PGC: variants seen among roughly 807,000 people sequenced by gnomAD.
The protein encoded by PGC is progastricsin.
A neutral mutation model predicts 45.9 loss-of-function variants in PGC; 31 were observed. The ratio of observed to expected loss-of-function variants is 0.67; its 90% CI spans 0.51 to 0.91. The LOEUF is 0.91. Ranked by LOEUF, PGC falls within the 40% of genes least tolerant of loss-of-function variation. The pLI, the probability that PGC is intolerant of heterozygous loss-of-function variation, is 0.00. For missense variants in PGC, 477 were observed against 493.2 expected (o/e 0.97, Z 0.31); for synonymous variants, 192 against 201.8 (o/e 0.95, Z 0.41).
chr6:41,737,658 G>A (rs963858698), intron 8 of PGC, 72 bp downstream of exon 8: 28 of 865,366 alleles, frequency 3.2e-5, no homozygotes, highest in Admixed American at 7.3e-5. Flanking sequence ...AGGAGACCCA[G>A]CATTTCTGGC....
intron 7 of PGC, among the ~76,000 whole-genome samples, chr6:41,739,197 G>C (rs1213958557): frequency 6.6e-6 from 1 of 152,170 alleles, no homozygotes; most frequent in Non-Finnish European, 1.5e-5. Flanking sequence ...CAGTCATTTT[G>C]CTCTTATCCC....
chr6:41,741,903 G>A lies in PGC; in HGVS notation c.647+387C>T, dbSNP rs530597923. The A allele has an allele frequency of 4.5e-6, 6 of 1,319,970 alleles. No individual in the cohort carries two copies. In the South Asian group the frequency reaches 6.3e-5, roughly 14 times the overall value. 81.8% of individuals were successfully genotyped at this position (1,319,970 alleles called of 1,614,324 possible). ...ATTACTATGCAAAAGAGGGATACAGGTAGAAAACATTCGGTCAGAAGGAAG... is the reference window on the plus strand; with the variant it reads ...ATTACTATGCAAAAGAGGGATACAGATAGAAAACATTCGGTCAGAAGGAAG... On this transcript the variant is annotated intron_variant, in intron 5 of 8. Transcript: ENST00000373025.
In PGC at chr6:41,744,866, CTCTT is replaced by C. The variant is rs1771900040; in HGVS notation, c.60-62_60-59del. On this transcript the variant is annotated intron_variant, in intron 1 of 8. Coordinates refer to ENST00000373025, the MANE Select transcript of PGC (RefSeq NM_002630.4). This position sits in a 1 kb window ranked among gnomAD's most constrained non-coding sequence, Gnocchi z 4.4. ...CCCTCCTTCCTCTCTTCCCACTCCT[CTCTT>C]TCTCTCTCTCCTTCTCTTAACTGCA... is the stretch of plus-strand genomic sequence containing the variant. The C allele has an allele frequency of 8.3e-6, 12 of 1,437,754 alleles. No individual in the cohort carries two copies. The South Asian group carries it at 1.4e-4, about 16-fold the overall frequency. The allele number at this position is 1,437,754 out of a possible 1,614,324, so 89.1% of individuals were successfully genotyped here. A position where few individuals can be genotyped will look rare whatever the true frequency, so the allele number is the denominator to read the frequency against.
Position 41,741,157 on chromosome 6 carries a change from G to A in PGC, c.648-547C>T, listed in dbSNP as rs1230539926. On this transcript the variant is annotated intron_variant, in intron 5 of 8. Transcript: ENST00000373025. ...GAGACAGGTAGGGTCTTGGTGAAGG[G>A]GGTAAGGATATTCCATGTTTGTTCC... is the stretch of plus-strand genomic sequence containing the variant. 5 of 1,536,694 alleles carry A rather than the reference G, an allele frequency of 3.3e-6. No homozygotes were observed. In the Admixed American group the frequency reaches 9.8e-5, roughly 30 times the overall value.
At chr6:41,738,404 G>C (rs980489141) in intron 7 of PGC, among the ~76,000 whole-genome samples, 3 of 151,492 alleles carry the variant, frequency 2.0e-5, no homozygotes, top group African/African-American at 7.3e-5. Context: ...GAGGTAGGCA[G>C]ATTGCTTGAG....
At chr6:41,738,892 G>A (rs1403366470) in intron 7 of PGC, among the ~76,000 whole-genome samples, 9 of 152,014 alleles carry the variant, frequency 5.9e-5, no homozygotes, top group Non-Finnish European at 1.2e-4. Flanking sequence ...CCAGGAAAGT[G>A]GAGGTTGCAG....
chr6:41,742,553 C>A, intron 4 of PGC, 64 bp from the exon 5 acceptor site: 1 of 1,198,038 alleles, frequency 8.3e-7, no homozygotes, highest in Non-Finnish European at 1.2e-6. Flanking sequence ...CCAGGTTCCC[C>A]TAGAGACTCC....
chr6:41,743,846 C>A (rs1482350632), intron 3 of PGC, among the ~76,000 whole-genome samples: 2 of 152,184 alleles, frequency 1.3e-5, no homozygotes, highest in African/African-American at 4.8e-5. Flanking sequence ...CATCAAGGGA[C>A]CCCTTGGGCC....
At chr6:41,745,129 C>G (rs192862786) in intron 1 of PGC, among the ~76,000 whole-genome samples, 1 of 152,238 alleles carries the variant, frequency 6.6e-6, no homozygotes, top group Non-Finnish European at 1.5e-5. Context: ...ATGCACTCCT[C>G]ACCTCATCTC....
chr6:41,739,980 C>A, intron 6 of PGC, 34 bp from the exon 7 acceptor site: 1 of 1,603,770 alleles, frequency 6.2e-7, no homozygotes. Flanking sequence ...CCTCAGGACT[C>A]CCCCAGTTCA....
chr6:41,744,301 C>A lies in PGC; in HGVS notation c.328+96G>T. 1.2e-6 allele frequency: 1 copy of A among 812,140 alleles called. No individual in the cohort carries two copies. Among genetic ancestry groups the A allele is most frequent in the Non-Finnish European group, 2.0e-6 (1 of 492,676 alleles). 50.3% of individuals were successfully genotyped at this position (812,140 alleles called of 1,614,324 possible). On this transcript the variant is annotated intron_variant, in intron 3 of 8. Transcript: ENST00000373025. The surrounding 1 kb of genome is among the most constrained non-coding windows in gnomAD (Gnocchi z 4.4). ...TGGTCCTCCCCAGGACTGAGCTCCC[C>A]TCAGTCCTGAGCTCCCTCTGGAAGT...
chr6:41,741,368 G>T (rs1203116622), intron 5 of PGC: 1 of 738,732 alleles, frequency 1.4e-6, no homozygotes, highest in Non-Finnish European at 2.1e-6. Context: ...GCCTAAGGCC[G>T]GGCGCAGTGG....
At position 41,740,003 on chromosome 6, in the gene PGC, C is replaced by T. The variant is rs370640491; in HGVS notation, c.768-57G>A. 2,156 of 1,519,118 alleles carry T rather than the reference C, an allele frequency of 1.4e-3. 5 individuals are homozygous for T. The highest frequency in any genetic ancestry group is 1.7e-3 in the Non-Finnish European group (1,909 of 1,111,912). The allele number at this position is 1,519,118 out of a possible 1,614,324, so 94.1% of individuals were successfully genotyped here. A position where few individuals can be genotyped will look rare whatever the true frequency, so the allele number is the denominator to read the frequency against. ...CTCCCCCAGTTCAGGGCAGCTGGGGCGGGCTTTCCCCACCACTGTGGGACA... is the reference window on the plus strand; with the variant it reads ...CTCCCCCAGTTCAGGGCAGCTGGGGTGGGCTTTCCCCACCACTGTGGGACA... On this transcript the variant is annotated intron_variant, in intron 6 of 8. Coordinates refer to ENST00000373025, the MANE Select transcript of PGC (RefSeq NM_002630.4).
At chr6:41,741,623 G>A (rs1453649623) in intron 5 of PGC, among the ~76,000 whole-genome samples, 1 of 152,162 alleles carries the variant, frequency 6.6e-6, no homozygotes, top group African/African-American at 2.4e-5. Context: ...TCCAGACCGG[G>A]TGACAGAGTG....
intron 7 of PGC, among the ~76,000 whole-genome samples, chr6:41,738,728 A>G (rs1204620976): frequency 6.6e-6 from 1 of 152,130 alleles, no homozygotes; most frequent in Non-Finnish European, 1.5e-5. Context: ...AGGCCAAGGC[A>G]GGCAGATTAC....
In PGC at chr6:41,744,572, C is replaced by T. The variant is rs1771892088; in HGVS notation, c.211-58G>A. ...AGGGATCCAGGGGCCCCAGGCTCCT[C>T]CATGGGCAGAGGAGTGAAGGGACCT... On this transcript the variant is annotated intron_variant, in intron 2 of 8. Transcript: ENST00000373025. This position sits in a 1 kb window ranked among gnomAD's most constrained non-coding sequence, Gnocchi z 4.4. The T allele has an allele frequency of 1.3e-6, 2 of 1,587,502 alleles. No homozygotes were observed. Among genetic ancestry groups the T allele is most frequent in the African/African-American group, 2.7e-5 (2 of 74,226 alleles).
At chr6:41,741,518 T>C (rs1423371647) in intron 5 of PGC, among the ~76,000 whole-genome samples, 2 of 152,144 alleles carry the variant, frequency 1.3e-5, no homozygotes, top group Admixed American at 1.3e-4. Flanking sequence ...CAGTGGCGCA[T>C]GCCTGTAATC....
rs757519680 is a variant in PGC at position 41,739,884 on chromosome 6, G to A, written c.830C>T (p.Thr277Ile). ...CSEGCQAIVD[T>I]GTSLLTVPQQ... The stretch of plus-strand genomic sequence containing the variant: ...GGGCACAGTGAGCAGAGAGGTGCCT[G>A]TGTCCACGATGGCCTGGCAACCCTC... The change falls in exon 7 of 9, where the codon ACA (threonine) becomes ATA (isoleucine). Residue 277 changes from threonine to isoleucine, a missense_variant. Physicochemically the swap from Thr to Ile is moderately conservative, Grantham distance 89. Coordinates refer to ENST00000373025, the MANE Select transcript of PGC (RefSeq NM_002630.4). 1.9e-6 allele frequency: 3 copies of A among 1,614,032 alleles called. No homozygotes were observed. Among genetic ancestry groups the A allele is most frequent in the African/African-American group, 2.7e-5 (2 of 75,064 alleles).
chr6:41,738,683 G>A (rs1215225424), intron 7 of PGC, among the ~76,000 whole-genome samples: 2 of 151,106 alleles, frequency 1.3e-5, no homozygotes, highest in African/African-American at 4.9e-5. Context: ...ATGGCTGGGC[G>A]TGGTGGCTCA....
Sources: gnomAD v4.1 joint callset for allele counts (sites outside exome capture counted in the v4.1 genomes callset) on GRCh38, gnomAD v4.1.1 for gene constraint, Gnocchi (gnomAD v3.1) non-coding constraint, MANE v1.5 for transcripts, NCBI Gene and HGNC (gene_info 2026-07-23, HGNC 2026-07-21) for gene names.